ZNF365: variants seen among roughly 807,000 people sequenced by gnomAD.
The protein encoded by ZNF365 is zinc finger protein 365.
A neutral mutation model predicts 35.0 loss-of-function variants in ZNF365; 22 were observed. That is an observed-to-expected ratio of 0.63 (90% CI 0.45 to 0.90). ZNF365 has a LOEUF of 0.90. Among genes scored for constraint, ZNF365 ranks in the 40% least tolerant of loss-of-function variants. The pLI is 0.00. For missense variants in ZNF365, 448 were observed against 500.3 expected (o/e 0.90, Z 1.00); for synonymous variants, 188 against 196.2 (o/e 0.96, Z 0.35).
rs5785524 is a variant in ZNF365, at chr10:62,414,367, C to CT, written c.924+25803dup. Among the ~76,000 whole-genome samples, 200 of 149,722 alleles carry CT rather than the reference C, an allele frequency of 1.3e-3. 1 individual carries two copies. Among genetic ancestry groups the CT allele is most frequent in the South Asian group, 4.2e-4 (2 of 4,732 alleles). On this transcript the variant is annotated intron_variant, in intron 3 of 4. Transcript: ENST00000395255. ...GTCATACCACCATATCTGACTAATT[C>CT]TTTTTTTTTTTTAATTTTGTTTTAA...
intron 3 of ZNF365, among the ~76,000 whole-genome samples, chr10:62,432,781 C>T (rs1265116460): frequency 6.6e-6 from 1 of 152,074 alleles, no homozygotes; most frequent in Non-Finnish European, 1.5e-5. Context: ...GGATAAGTAT[C>T]AGGCCCTAAA....
chr10:62,376,281 A>T lies in ZNF365; in HGVS notation c.88A>T (p.Arg30Trp). The change falls in exon 2 of 5, where the codon AGG becomes TGG. Residue 30 changes from arginine (R) to tryptophan (W), a missense_variant. Physicochemically the swap from Arg to Trp is moderately radical, Grantham distance 101. Around this residue, in one of 3 missense-constraint regions of ZNF365, gnomAD observed 76 missense variants for 96.7 expected, o/e 0.79. Transcript: ENST00000395254. ...TGTGTGCCTGCCATTACGCTGCCCG[A>T]GGTGTGGAGACCATACCAGATTTAG... ...VAVCLPLRCP[R>W]CGDHTRFRSL... The T allele has an allele frequency of 1.2e-6, 2 of 1,614,070 alleles. No individual in the cohort carries two copies.
intron 3 of ZNF365, 22 bp from the exon 4 acceptor site, chr10:62,398,718 T>C (rs749850321): frequency 4.4e-6 from 7 of 1,608,456 alleles, no homozygotes; most frequent in Non-Finnish European, 5.9e-6. Context: ...GTTAACATTT[T>C]TTCTTATTTG....
intron 3 of ZNF365, among the ~76,000 whole-genome samples, chr10:62,408,760 G>A (rs1237709012): frequency 6.6e-6 from 1 of 152,102 alleles, no homozygotes; most frequent in Non-Finnish European, 1.5e-5. Context: ...CAAGCCCAAT[G>A]CCTAGAGACC....
chr10:62,407,431 C>A (rs1839921316), downstream of ZNF365, among the ~76,000 whole-genome samples: 1 of 152,310 alleles, frequency 6.6e-6, no homozygotes, highest in South Asian at 2.1e-4. Flanking sequence ...GCCTGAAGGA[C>A]CCCACAAGAA....
chr10:62,466,205 G>C (rs1156451648), intron 4 of ZNF365, among the ~76,000 whole-genome samples: 1 of 152,148 alleles, frequency 6.6e-6, no homozygotes, highest in East Asian at 1.9e-4. Context: ...ACCCTCTTTG[G>C]GGTTCTGTAG....
chr10:62,450,207 C>T (rs1273589175), intron 3 of ZNF365, among the ~76,000 whole-genome samples: 2 of 152,226 alleles, frequency 1.3e-5, no homozygotes, highest in South Asian at 2.1e-4. Flanking sequence ...CTTGGTATTA[C>T]GTATAAGCAG....
chr10:62,452,202 A>AT (rs1840693980), intron 3 of ZNF365, among the ~76,000 whole-genome samples: 1 of 152,192 alleles, frequency 6.6e-6, no homozygotes, highest in South Asian at 2.1e-4. Flanking sequence ...CTGGGTGTGG[A>AT]TTTCAGGGTG....
chr10:62,434,788 A>G (rs1401783988), intron 3 of ZNF365, among the ~76,000 whole-genome samples: 2 of 152,234 alleles, frequency 1.3e-5, no homozygotes, highest in Non-Finnish European at 2.9e-5. Context: ...CTCTTCTCAC[A>G]AAGTCATCTG....
At chr10:62,427,431 G>A (rs1840267602) in intron 3 of ZNF365, among the ~76,000 whole-genome samples, 1 of 152,172 alleles carries the variant, frequency 6.6e-6, no homozygotes, top group Non-Finnish European at 1.5e-5. Flanking sequence ...AGCAGGCTAT[G>A]CCAGCTAGGT....
intron 3 of ZNF365, among the ~76,000 whole-genome samples, chr10:62,451,720 A>G (rs1288230779): frequency 6.6e-6 from 1 of 152,184 alleles, no homozygotes; most frequent in Non-Finnish European, 1.5e-5. Context: ...ACCCAGCTCA[A>G]TAATGCCCAT....
intron 3 of ZNF365, among the ~76,000 whole-genome samples, chr10:62,391,194 G>A (rs1839622298): frequency 6.6e-6 from 1 of 151,956 alleles, no homozygotes; most frequent in Non-Finnish European, 1.5e-5. Context: ...TTATATAGAA[G>A]TACAATAATA....
At chr10:62,462,558 G>A (rs1840865314) in intron 4 of ZNF365, among the ~76,000 whole-genome samples, 1 of 152,220 alleles carries the variant, frequency 6.6e-6, no homozygotes, top group South Asian at 2.1e-4. Context: ...CATGTAGACT[G>A]CGACAATTGC....
At chr10:62,479,887 T>C in exon 5 of ZNF365, 2 of 1,613,268 alleles carry the variant, frequency 1.2e-6, no homozygotes, top group South Asian at 2.2e-5. Context: ...AGTCTGCGAT[T>C]GTGGAATAAT....
Position 62,376,755 on chromosome 10 carries a change from G to C in ZNF365, c.562G>C (p.Ala188Pro). ...AATTGATAAACTCACCAAAGAGTTGGCCCAGAAAACTGCGGAACTGTTGGA... is the reference window on the plus strand; with the variant it reads ...AATTGATAAACTCACCAAAGAGTTGCCCCAGAAAACTGCGGAACTGTTGGA... ...KRIDKLTKEL[A>P]QKTAELLEVR... Residue 188 changes from alanine to proline, a missense_variant, in exon 2 of 5, where the codon GCC (alanine) becomes CCC (proline). Around this residue, in one of 3 missense-constraint regions of ZNF365, gnomAD observed 362 missense variants for 375.7 expected, o/e 0.96. Transcript: ENST00000395254. The C allele has an allele frequency of 6.2e-7, 1 of 1,614,180 alleles. No homozygotes were observed. Among genetic ancestry groups the C allele is most frequent in the Non-Finnish European group, 8.5e-7 (1 of 1,180,040 alleles).
intron 3 of ZNF365, among the ~76,000 whole-genome samples, chr10:62,452,310 G>C (rs1324632190): frequency 6.6e-6 from 1 of 152,122 alleles, no homozygotes; most frequent in Non-Finnish European, 1.5e-5. Flanking sequence ...AGAGAGGAAA[G>C]GCCATTTCTG....
chr10:62,468,097 T>C (rs1294021627), intron 4 of ZNF365, among the ~76,000 whole-genome samples: 2 of 152,186 alleles, frequency 1.3e-5, no homozygotes, highest in East Asian at 1.9e-4. Context: ...TATGAGTCGC[T>C]TTAAGATTAT....
intron 3 of ZNF365, among the ~76,000 whole-genome samples, chr10:62,397,012 G>A (rs935444294): frequency 3.3e-5 from 5 of 152,220 alleles, no homozygotes; most frequent in African/African-American, 1.2e-4. Context: ...GGTGATGGTG[G>A]GGTAGAGAAA....
chr10:62,388,068 A>G (rs1314662872), intron 2 of ZNF365, among the ~76,000 whole-genome samples: 1 of 152,180 alleles, frequency 6.6e-6, no homozygotes, highest in Admixed American at 6.5e-5. Flanking sequence ...CACCCCATTC[A>G]AAAGGTCGTT....
Sources: gnomAD v4.1 joint callset for allele counts (sites outside exome capture counted in the v4.1 genomes callset) on GRCh38, gnomAD v4.1.1 for gene constraint, gnomAD v4.1.1 regional missense constraint, MANE v1.5 for transcripts, NCBI Gene and HGNC (gene_info 2026-07-23, HGNC 2026-07-21) for gene names.